MST1R: variants seen among roughly 807,000 people sequenced by gnomAD.
MST1R encodes macrophage stimulating 1 receptor.
A neutral mutation model predicts 117.8 loss-of-function variants in MST1R; 99 were observed. The observed-to-expected ratio is 0.84, with a 90% CI of 0.71 to 0.99. The LOEUF is 0.99. MST1R is among the 50% of genes least tolerant of loss of function. MST1R has a pLI of 0.00. For synonymous variants in MST1R, 734 were observed against 765.3 expected (o/e 0.96, Z 0.68); for missense variants, 1,683 against 1,840.2 (o/e 0.91, Z 1.56).
In MST1R at chr3:49,896,118, G is replaced by A. The variant is rs747662482; in HGVS notation, c.2650-11C>T. On this transcript the variant is annotated splice_polypyrimidine_tract_variant and intron_variant, in intron 10 of 19. Transcript: ENST00000296474. ...GCCCAGCCCAATATACTGCAGAGAGGGTCATGAGGACCAGCCAGTAGGCTG... is the reference window on the plus strand; with the variant it reads ...GCCCAGCCCAATATACTGCAGAGAGAGTCATGAGGACCAGCCAGTAGGCTG... 8.1e-6 allele frequency: 13 copies of A among 1,613,880 alleles called. No homozygotes were observed. The Admixed American group carries it at 2.0e-4, about 25-fold the overall frequency.
At chr3:49,895,005 G>T (rs902961623) in intron 14 of MST1R, among the ~76,000 whole-genome samples, 162 bp downstream of exon 14, 5 of 152,098 alleles carry the variant, frequency 3.3e-5, no homozygotes, top group African/African-American at 1.2e-4. Flanking sequence ...TAGAGACGGG[G>T]TTTCACTGTG....
intron 14 of MST1R, among the ~76,000 whole-genome samples, chr3:49,894,120 C>T (rs2082397234): frequency 6.6e-6 from 1 of 151,042 alleles, no homozygotes; most frequent in Non-Finnish European, 1.5e-5. Flanking sequence ...GAAGCTGAGA[C>T]AGGAGAATCA....
At chr3:49,888,708 T>C (rs2082232242) in intron 19 of MST1R, among the ~76,000 whole-genome samples, 1 of 152,184 alleles carries the variant, frequency 6.6e-6, no homozygotes, top group Admixed American at 6.5e-5. Flanking sequence ...TCCTAGTGCC[T>C]GCCCCATTAT....
rs200935978 is a variant in MST1R at position 49,903,584 on chromosome 3, T to G, written c.26A>C (p.Gln9Pro). The G allele has an allele frequency of 1.3e-6, 2 of 1,573,966 alleles. No homozygotes were observed. Among genetic ancestry groups the G allele is most frequent in the African/African-American group, 1.3e-5 (1 of 74,738 alleles). MELLPPLP[Q>P]SFLLLLLLPA... ...CAACAGCAGCAGCAACAGGAAGGAC[T>G]GAGGCAGCGGCGGGAGGAGCTCCAT... The change falls in exon 1 of 20, where the codon CAG becomes CCG. Residue 9 changes from glutamine (Q) to proline (P), a missense_variant. Physicochemically the swap from Gln to Pro is moderately conservative, Grantham distance 76 (BLOSUM62 -1). Transcript: ENST00000296474.
At position 49,895,848 on chromosome 3, in the gene MST1R, A is replaced by G. The variant is rs1320728028; in HGVS notation, c.2829T>C (p.Gly943=). ...CATCTGGCCCTGGCCGCACCACTCT[A>G]CCCAGGATATGACATTCACCATCTA... is the stretch of plus-strand genomic sequence containing the variant. The part of the protein sequence containing the change: ...VCVDGECHIL[G]RVVRPGPDGV... Residue 943 remains glycine (G), a synonymous_variant, in exon 12 of 20, where the codon GGT becomes GGC. Coordinates refer to ENST00000296474, the MANE Select transcript of MST1R (RefSeq NM_002447.4). 6.2e-7 allele frequency: 1 copy of G among 1,612,228 alleles called. No individual in the cohort carries two copies.
At position 49,895,733 on chromosome 3, in the gene MST1R, A is replaced by G. The variant is rs557923113; in HGVS notation, c.2944T>C (p.Trp982Arg). The change falls in exon 12 of 20, where the codon TGG becomes CGG. Residue 982 changes from tryptophan to arginine, a missense_variant. Transcript: ENST00000296474. ...LATALVFSYW[W>R]RRKQLVLPPN... ...AACTCACCTAGCTGCTTCCTCCGCCACCAGTAGCTGAAGACCAGTGCAGTC... is the reference window on the plus strand; with the variant it reads ...AACTCACCTAGCTGCTTCCTCCGCCGCCAGTAGCTGAAGACCAGTGCAGTC... 4 of 1,612,758 alleles carry G rather than the reference A, an allele frequency of 2.5e-6. No individual in the cohort carries two copies. The highest frequency in any genetic ancestry group is 3.4e-6 in the Non-Finnish European group (4 of 1,179,978).
intron 14 of MST1R, 55 bp downstream of exon 14, chr3:49,895,112 A>G (rs1052655149): frequency 1.3e-6 from 2 of 1,599,092 alleles, no homozygotes; most frequent in Non-Finnish European, 1.7e-6. Context: ...CGCCTGGCCT[A>G]GCCTATGTCA....
intron 19 of MST1R, 84 bp from the exon 20 acceptor site, chr3:49,887,646 G>T: frequency 6.7e-7 from 1 of 1,483,038 alleles, no homozygotes; most frequent in Non-Finnish European, 9.2e-7. Context: ...CCTCTGGCAG[G>T]CCACACAGGG....
At position 49,890,575 on chromosome 3, in the gene MST1R, A is replaced by C. The variant is rs765385235; in HGVS notation, c.3720T>G (p.Ser1240Arg). Residue 1240 changes from serine to arginine, a missense_variant, in exon 18 of 20, where the codon AGT becomes AGG. Coordinates refer to ENST00000296474, the MANE Select transcript of MST1R (RefSeq NM_002447.4). ...ARDILDREYY[S>R]VQQHRHARLP... ...GGCGAGCGTGGCGATGCTGTTGAACACTATAGTACTCCCTGTCCAGGATGT... is the reference window on the plus strand; with the variant it reads ...GGCGAGCGTGGCGATGCTGTTGAACCCTATAGTACTCCCTGTCCAGGATGT... 1.2e-6 allele frequency: 2 copies of C among 1,614,014 alleles called. No individual in the cohort carries two copies.
rs748087886 is a variant in MST1R at position 49,889,917 on chromosome 3, TACTC to T, written c.3947+3_3947+6del. 2.5e-6 allele frequency: 4 copies of T among 1,613,876 alleles called. No individual in the cohort carries two copies. The highest frequency in any genetic ancestry group is 3.4e-6 in the Non-Finnish European group (4 of 1,179,972). On this transcript the variant is annotated splice_donor_5th_base_variant and intron_variant, in intron 19 of 19. Transcript: ENST00000296474. ...TTCCCTCCCCACTACCACCTCCACA[TACTC>T]ACAGAGAATCAGGGCAATACTCAGG...
At chr3:49,888,470 C>T (rs534745332) in intron 19 of MST1R, among the ~76,000 whole-genome samples, 7 of 150,274 alleles carry the variant, frequency 4.7e-5, no homozygotes, top group Non-Finnish European at 1.0e-4. Context: ...GGCGTGGTGG[C>T]ACACGCCTGT....
rs1250580860 is a variant in MST1R, at chr3:49,896,778, A to G, written c.2296T>C (p.Tyr766His). 2 of 1,572,354 alleles carry G rather than the reference A, an allele frequency of 1.3e-6. No homozygotes were observed. Among genetic ancestry groups the G allele is most frequent in the South Asian group, 2.3e-5 (2 of 86,178 alleles). ...CTTAGCACGACAGGGTCTTCTCTGTACTGGAAGGTCCAGGAACCAGGTACC... is the reference window on the plus strand; with the variant it reads ...CTTAGCACGACAGGGTCTTCTCTGTGCTGGAAGGTCCAGGAACCAGGTACC... ...AQVPGSWTFQ[Y>H]REDPVVLSIS... is the part of the protein sequence containing the mutation. Residue 766 changes from tyrosine (Y) to histidine (H), a missense_variant, in exon 8 of 20, where the codon TAC becomes CAC. Coordinates refer to ENST00000296474, the MANE Select transcript of MST1R (RefSeq NM_002447.4).
chr3:49,892,259 C>G (rs956122704), intron 14 of MST1R, among the ~76,000 whole-genome samples: 1 of 151,720 alleles, frequency 6.6e-6, no homozygotes, highest in Admixed American at 6.6e-5. Context: ...CCACCACACC[C>G]GGCCCAATCT....
rs759659890 is a variant in MST1R at position 49,887,317 on chromosome 3, C to T, written c.4193G>A (p.Arg1398Gln). The change falls in exon 20 of 20, where the codon CGG becomes CAG. Residue 1398 changes from arginine (R) to glutamine (Q), a missense_variant. Physicochemically the swap from Arg to Gln is conservative, Grantham distance 43. Transcript: ENST00000296474. Reference protein sequence around the residue: ...RRPRPLSEPPRPT With the variant: ...RRPRPLSEPPQPT ...AGCCCAAGAACTAAGTCAAGTGGGC[C>T]GAGGAGGCTCTGAGAGTGGCCGGGG... is the stretch of plus-strand genomic sequence containing the variant. The T allele has an allele frequency of 3.7e-6, 6 of 1,613,968 alleles. No individual in the cohort carries two copies. Among genetic ancestry groups the T allele is most frequent in the Admixed American group, 1.7e-5 (1 of 60,014 alleles).
intron 14 of MST1R, among the ~76,000 whole-genome samples, chr3:49,893,311 AT>A (rs1432082903): frequency 2.7e-5 from 4 of 149,194 alleles, no homozygotes; most frequent in Admixed American, 6.7e-5. Flanking sequence ...AAATAAATAA[AT>A]AAATAAATAG....
Position 49,887,042 on chromosome 3 carries a change from G to A in MST1R, c.*265C>T, listed in dbSNP as rs2082186179. 1.8e-6 allele frequency: 1 copy of A among 558,264 alleles called. No individual in the cohort carries two copies. Among genetic ancestry groups the A allele is most frequent in the Admixed American group, 3.4e-5 (1 of 29,780 alleles). 34.6% of individuals were successfully genotyped at this position (558,264 alleles called of 1,614,324 possible). A position where few individuals can be genotyped will look rare whatever the true frequency, so the allele number is the denominator to read the frequency against. On this transcript the variant is annotated 3_prime_UTR_variant, in exon 20 of 20. Coordinates refer to ENST00000296474, the MANE Select transcript of MST1R (RefSeq NM_002447.4). ...TCATTTGTTCCTTTATTGGTTCAAGGGTCAGTGTTGGTGTGGTCACTGCTG... is the reference window on the plus strand; with the variant it reads ...TCATTTGTTCCTTTATTGGTTCAAGAGTCAGTGTTGGTGTGGTCACTGCTG...
At position 49,897,128 on chromosome 3, in the gene MST1R, G is replaced by A. The variant is rs1342888400; in HGVS notation, c.2183+152C>T. ...CTCTGTGATGGGCTCTCTTGCCTCTGGGCTGAAGAGGGCAGTAGTCTTTTC... is the reference window on the plus strand; with the variant it reads ...CTCTGTGATGGGCTCTCTTGCCTCTAGGCTGAAGAGGGCAGTAGTCTTTTC... On this transcript the variant is annotated intron_variant, in intron 7 of 19. Transcript: ENST00000296474. 5 of 1,250,978 alleles carry A rather than the reference G, an allele frequency of 4.0e-6. No homozygotes were observed. The African/African-American group carries it at 7.5e-5, about 19-fold the overall frequency. 77.5% of individuals were successfully genotyped at this position (1,250,978 alleles called of 1,614,324 possible). A position where few individuals can be genotyped will look rare whatever the true frequency, so the allele number is the denominator to read the frequency against.
intron 1 of MST1R, 177 bp from the exon 2 acceptor site, chr3:49,899,440 G>C (rs2082595500): frequency 1.6e-6 from 1 of 644,980 alleles, no homozygotes; most frequent in South Asian, 1.9e-5. Flanking sequence ...TCTCAGTGTA[G>C]CAAGGGCAGG....
At chr3:49,895,602 C>A (rs993434354) in intron 12 of MST1R, 54 bp from the exon 13 acceptor site, 7 of 1,611,844 alleles carry the variant, frequency 4.3e-6, no homozygotes, top group Non-Finnish European at 5.1e-6. Context: ...AGGGGCCGAC[C>A]CCTCTGGGGA....
Sources: gnomAD v4.1 joint callset for allele counts (sites outside exome capture counted in the v4.1 genomes callset) on GRCh38, gnomAD v4.1.1 for gene constraint, MANE v1.5 for transcripts, NCBI Gene and HGNC (gene_info 2026-07-23, HGNC 2026-07-21) for gene names.